OR1J2: variants seen among roughly 807,000 people sequenced by gnomAD.
The protein encoded by OR1J2 is olfactory receptor family 1 subfamily J member 2.
For missense variants in OR1J2, 304 were observed against 246.1 expected, an observed-to-expected ratio of 1.24 and a Z score of -1.57; for synonymous variants, 142 against 99.7, an observed-to-expected ratio of 1.42 and a Z score of -2.52.
the OR1J2 span, chr9:122,526,699 C>T: frequency 1.2e-6 from 2 of 1,614,142 alleles, no homozygotes; most frequent in Non-Finnish European, 1.7e-6. Context: ...CCTCCCAAGA[C>T]AAAAACCATC....
the OR1J2 span, among the ~76,000 whole-genome samples, chr9:122,522,886 C>T: frequency 3.3e-5 from 5 of 152,094 alleles, no homozygotes; most frequent in South Asian, 4.1e-4. Flanking sequence ...AATAACACCA[C>T]GAATAGTTGT....
the OR1J2 span, chr9:122,527,333 T>G: frequency 1.2e-4 from 159 of 1,287,876 alleles, 1 homozygote; most frequent in South Asian, 2.1e-3. Context: ...ACAGTTAGAA[T>G]GCTAGATTTC....
At chr9:122,488,524 G>A in the OR1J2 span, among the ~76,000 whole-genome samples, 1 of 152,300 alleles carries the variant, frequency 6.6e-6, no homozygotes, top group South Asian at 2.1e-4. Context: ...CACTTTTCAA[G>A]GACTAGAGAT....
At chr9:122,554,520 G>A in the OR1J2 span, among the ~76,000 whole-genome samples, 1 of 152,172 alleles carries the variant, frequency 6.6e-6, no homozygotes, top group Non-Finnish European at 1.5e-5. Flanking sequence ...GGTGAAGGAA[G>A]GAGAATAGAA....
chr9:122,548,645 C>T, the OR1J2 span, among the ~76,000 whole-genome samples: 2 of 151,506 alleles, frequency 1.3e-5, no homozygotes, highest in African/African-American at 2.4e-5. Flanking sequence ...GCACAACGTG[C>T]AGGTTTGTTA....
chr9:122,509,997 G>C (rs117120660), upstream of OR1J2, among the ~76,000 whole-genome samples: 1 of 152,112 alleles, frequency 6.6e-6, no homozygotes, highest in Admixed American at 6.5e-5. Flanking sequence ...GGCCTGTCGG[G>C]GGGTGCGGGA....
the OR1J2 span, among the ~76,000 whole-genome samples, chr9:122,452,678 G>T: frequency 6.6e-6 from 1 of 152,126 alleles, no homozygotes; most frequent in Admixed American, 6.5e-5. Context: ...TGGAGGTGGG[G>T]CCTGATGGGA....
At chr9:122,470,608 C>T in the OR1J2 span, among the ~76,000 whole-genome samples, 1 of 152,174 alleles carries the variant, frequency 6.6e-6, no homozygotes, top group South Asian at 2.1e-4. Context: ...GAGAAGAGGG[C>T]CACTGTTCTC....
At chr9:122,495,806 T>C in the OR1J2 span, among the ~76,000 whole-genome samples, 1 of 152,136 alleles carries the variant, frequency 6.6e-6, no homozygotes, top group South Asian at 2.1e-4. Context: ...CCTTCTTGTT[T>C]GGGTAGACTA....
At chr9:122,496,921 T>C in the OR1J2 span, among the ~76,000 whole-genome samples, 15 of 152,258 alleles carry the variant, frequency 9.9e-5, no homozygotes, top group South Asian at 2.9e-3. Context: ...GGCCACAGGA[T>C]TTATTTTCCT....
At chr9:122,535,375 C>G in the OR1J2 span, among the ~76,000 whole-genome samples, 14,773 of 152,016 alleles carry the variant, frequency 0.097, 1,043 homozygotes, top group East Asian at 0.33. Flanking sequence ...AGAGAGGTGT[C>G]CCTGCAATGA....
chr9:122,498,901 G>C, the OR1J2 span, among the ~76,000 whole-genome samples: 1 of 152,082 alleles, frequency 6.6e-6, no homozygotes, highest in Non-Finnish European at 1.5e-5. Flanking sequence ...GGGTATTTTG[G>C]CATTGCTTCT....
At chr9:122,548,925 TTACTC>T in the OR1J2 span, among the ~76,000 whole-genome samples, 1 of 152,102 alleles carries the variant, frequency 6.6e-6, no homozygotes, top group Admixed American at 6.6e-5. Context: ...GGTGGTTTGT[TTACTC>T]TGTTGATTAT....
the OR1J2 span, among the ~76,000 whole-genome samples, chr9:122,523,974 A>G: frequency 1.6e-4 from 25 of 152,338 alleles, no homozygotes; most frequent in African/African-American, 6.0e-4. Flanking sequence ...AATTATTTTA[A>G]TGCTAACATC....
At chr9:122,462,781 G>A in the OR1J2 span, among the ~76,000 whole-genome samples, 1 of 152,196 alleles carries the variant, frequency 6.6e-6, no homozygotes, top group East Asian at 1.9e-4. Flanking sequence ...GGTTTCTTCT[G>A]AGAAATCTGC....
At chr9:122,503,982 A>C in the OR1J2 span, among the ~76,000 whole-genome samples, 4 of 152,286 alleles carry the variant, frequency 2.6e-5, no homozygotes, top group South Asian at 8.3e-4. Flanking sequence ...TTTTTCAATT[A>C]GTTGTATGGA....
the OR1J2 span, chr9:122,477,682 A>C: frequency 6.2e-7 from 1 of 1,614,220 alleles, no homozygotes. Context: ...CATGTTCATC[A>C]GCATCTTAGG....
the OR1J2 span, among the ~76,000 whole-genome samples, chr9:122,483,149 A>G: frequency 2.0e-5 from 3 of 152,320 alleles, no homozygotes; most frequent in East Asian, 1.9e-4. Context: ...ATAAATAAAA[A>G]GGTTCATCGA....
chr9:122,542,774 C>A, the OR1J2 span, among the ~76,000 whole-genome samples: 1 of 152,180 alleles, frequency 6.6e-6, no homozygotes, highest in Non-Finnish European at 1.5e-5. Context: ...AGTCAAGATA[C>A]GGACTTCACT....
Sources: allele counts gnomAD v4.1 joint callset (sites outside exome capture counted in the v4.1 genomes callset), GRCh38; gene constraint gnomAD v4.1.1; transcripts MANE v1.5; gene names NCBI Gene and HGNC (gene_info 2026-07-23, HGNC 2026-07-21).